The following PLD5 variants were observed in gnomAD, a reference collection of about 807,000 sequenced individuals.
PLD5 encodes inactive phospholipase D5.
PLD5 carries 36 observed loss-of-function variants against 61.1 expected under a neutral mutation model. The ratio of observed to expected loss-of-function variants is 0.59; its 90% CI spans 0.45 to 0.78. The LOEUF is 0.78. PLD5 is among the 30% of genes least tolerant of loss of function. The pLI, the probability that PLD5 is intolerant of heterozygous loss-of-function variation, is 0.00. For missense variants in PLD5, 515 were observed against 644.4 expected, an observed-to-expected ratio of 0.80 and a Z score of 2.17; for synonymous variants, 243 against 242.8, an observed-to-expected ratio of 1.00 and a Z score of -0.01.
intron 1 of PLD5, among the ~76,000 whole-genome samples, chr1:242,374,914 C>A (rs1661859060): frequency 6.6e-6 from 1 of 152,208 alleles, no homozygotes; most frequent in South Asian, 2.1e-4. Context: ...TCTAATTAAT[C>A]TGCCTTTTGT....
At chr1:242,158,068 C>T in intron 5 of PLD5, among the ~76,000 whole-genome samples, 1 of 152,196 alleles carries the variant, frequency 6.6e-6, no homozygotes, top group African/African-American at 2.4e-5. Flanking sequence ...GGGCTCCGCC[C>T]AGTTCAAACT....
chr1:242,440,504 C>A (rs1666222454), intron 1 of PLD5, among the ~76,000 whole-genome samples: 1 of 152,218 alleles, frequency 6.6e-6, no homozygotes, highest in African/African-American at 2.4e-5. Context: ...GTATTGAAAA[C>A]TGATCGGGTA....
At chr1:242,142,738 CTCTCTCTGTCTCTA>C (rs1664263622) in intron 5 of PLD5, among the ~76,000 whole-genome samples, 2 of 150,868 alleles carry the variant, frequency 1.3e-5, no homozygotes, top group Admixed American at 1.3e-4. Context: ...CTCTCTCTCT[CTCTCTCTGTCTCTA>C]TCTCTCTGTC....
intron 1 of PLD5, among the ~76,000 whole-genome samples, chr1:242,389,749 C>T (rs1024795743): frequency 6.6e-6 from 1 of 152,014 alleles, no homozygotes; most frequent in Non-Finnish European, 1.5e-5. Flanking sequence ...ACTTAGGATT[C>T]ATGAGGGATT....
chr1:242,468,379 G>T (rs1667339968), intron 1 of PLD5, among the ~76,000 whole-genome samples: 1 of 151,888 alleles, frequency 6.6e-6, no homozygotes. Flanking sequence ...TTTTTTCATT[G>T]CAAAGTGAGA....
intron 1 of PLD5, among the ~76,000 whole-genome samples, chr1:242,368,935 T>C (rs1661486069): frequency 6.6e-6 from 1 of 151,852 alleles, no homozygotes; most frequent in South Asian, 2.1e-4. Context: ...CCTAAAATAA[T>C]TTCTTTCTAT....
intron 1 of PLD5, among the ~76,000 whole-genome samples, chr1:242,396,724 G>A (rs1290407762): frequency 6.8e-6 from 1 of 146,480 alleles, no homozygotes; most frequent in African/African-American, 2.6e-5. Flanking sequence ...CCAGGCTGGA[G>A]TGCAGTGGCG....
chr1:242,304,717 G>T (rs1053334155), intron 2 of PLD5, among the ~76,000 whole-genome samples: 2 of 152,084 alleles, frequency 1.3e-5, no homozygotes, highest in African/African-American at 4.8e-5. Flanking sequence ...TTATTTTCTT[G>T]ATATAAAACT....
At chr1:242,411,900 G>A (rs1320361363) in intron 1 of PLD5, among the ~76,000 whole-genome samples, 1 of 151,820 alleles carries the variant, frequency 6.6e-6, no homozygotes, top group African/African-American at 2.4e-5. Flanking sequence ...TTGCCAAAGA[G>A]GTTCTTGGGA....
chr1:242,091,982 A>G (rs1302402775), intron 9 of PLD5, among the ~76,000 whole-genome samples: 1 of 151,096 alleles, frequency 6.6e-6, no homozygotes, highest in South Asian at 2.1e-4. Context: ...GCCCACCACA[A>G]TGCCCCACTA....
At chr1:242,251,495 A>T (rs1364726370) in intron 4 of PLD5, among the ~76,000 whole-genome samples, 1 of 152,192 alleles carries the variant, frequency 6.6e-6, no homozygotes, top group Non-Finnish European at 1.5e-5. Flanking sequence ...ATTCCCACCG[A>T]GTTCCATACC....
intron 1 of PLD5, among the ~76,000 whole-genome samples, chr1:242,459,939 T>C (rs986272157): frequency 1.6e-4 from 24 of 152,208 alleles, no homozygotes; most frequent in African/African-American, 2.4e-5. Flanking sequence ...GGTTAAAGCA[T>C]ACTCCCTTCC....
intron 1 of PLD5, among the ~76,000 whole-genome samples, chr1:242,425,491 CAGTGAGTGAG>C (rs1480569457): frequency 1.3e-5 from 2 of 152,092 alleles, no homozygotes; most frequent in African/African-American, 2.4e-5. Flanking sequence ...CTGGGTGAGT[CAGTGAGTGAG>C]AGTGAGTGAA....
intron 2 of PLD5, among the ~76,000 whole-genome samples, chr1:242,305,652 A>G (rs1676306408): frequency 6.6e-6 from 1 of 151,870 alleles, no homozygotes; most frequent in Admixed American, 6.6e-5. Flanking sequence ...CTCCATCTCC[A>G]TGGTTCAAGC....
chr1:242,402,776 G>T (rs1320003424), intron 1 of PLD5, among the ~76,000 whole-genome samples: 2 of 152,132 alleles, frequency 1.3e-5, no homozygotes. Context: ...CACTGCATAT[G>T]GTAAGCAGTG....
At chr1:242,406,106 T>C (rs1451856357) in intron 1 of PLD5, among the ~76,000 whole-genome samples, 1 of 152,086 alleles carries the variant, frequency 6.6e-6, no homozygotes, top group Non-Finnish European at 1.5e-5. Context: ...AAGAATGACA[T>C]ACAAACCTGT....
chr1:242,197,316 G>A (rs532489087), intron 5 of PLD5, among the ~76,000 whole-genome samples: 1 of 152,262 alleles, frequency 6.6e-6, no homozygotes, highest in African/African-American at 2.4e-5. Flanking sequence ...CCTGACAGCT[G>A]TCTCCTTTCT....
At chr1:242,320,118 G>A (rs79763846) in intron 2 of PLD5, among the ~76,000 whole-genome samples, 2 of 152,044 alleles carry the variant, frequency 1.3e-5, no homozygotes, top group Non-Finnish European at 2.9e-5. Flanking sequence ...GACTTGCCAC[G>A]GTCATCTTTG....
chr1:242,417,669 G>A (rs73133713), intron 1 of PLD5, among the ~76,000 whole-genome samples: 5,702 of 152,304 alleles, frequency 0.037, 381 homozygotes, highest in African/African-American at 0.13. Flanking sequence ...ATGAGGTCAA[G>A]AGCCCTCCAG....
Sources: allele counts gnomAD v4.1 joint callset (sites outside exome capture counted in the v4.1 genomes callset), GRCh38; gene constraint gnomAD v4.1.1; transcripts MANE v1.5; gene names NCBI Gene and HGNC (gene_info 2026-07-23, HGNC 2026-07-21).